The following DIS3L2 variants were observed in gnomAD, a reference collection of about 807,000 sequenced individuals.
The protein encoded by DIS3L2 is DIS3-like exonuclease 2.
Under a neutral mutation model 97.5 loss-of-function variants are expected in DIS3L2, and 34 were observed. The ratio of observed to expected loss-of-function variants is 0.35; its 90% confidence interval spans 0.27 to 0.46. DIS3L2 has a LOEUF of 0.46. DIS3L2 is among the 20% of genes least tolerant of loss of function. The pLI, the probability that DIS3L2 is intolerant of heterozygous loss-of-function variation, is 1.00. For missense variants in DIS3L2, 1,038 were observed against 1,146.0 expected (o/e 0.91, Z 1.36); for synonymous variants, 435 against 445.2 (o/e 0.98, Z 0.29).
chr2:232,086,359 GTGTATATGTATATGTATATGTATA>G, intron 5 of DIS3L2, among the ~76,000 whole-genome samples: 1 of 138,192 alleles, frequency 7.2e-6, no homozygotes, highest in East Asian at 2.1e-4. Flanking sequence ...GTATATATAT[GTGTATATGTATATGTATATGTATA>G]TGTATATGTA....
intron 16 of DIS3L2, 45 bp downstream of exon 16, chr2:232,330,821 C>G: frequency 6.4e-7 from 1 of 1,574,038 alleles, no homozygotes; most frequent in South Asian, 1.1e-5. Flanking sequence ...CAGGAGCACA[C>G]TAGCCCCAGA....
At chr2:232,068,429 A>G (rs1342370831) in intron 5 of DIS3L2, among the ~76,000 whole-genome samples, 2 of 143,484 alleles carry the variant, frequency 1.4e-5, no homozygotes, top group African/African-American at 5.2e-5. Context: ...AAAAAAAAAT[A>G]CAAAAGTTAG....
At position 232,292,979 on chromosome 2, in the gene DIS3L2, A is replaced by G. The variant is rs1694639397; in HGVS notation, c.1660-7061A>G. Among the ~76,000 whole-genome samples the G allele has an allele frequency of 6.6e-6, 1 of 152,130 alleles. No individual in the cohort carries two copies. The highest frequency in any genetic ancestry group is 6.5e-5 in the Admixed American group (1 of 15,272). On this transcript the variant is annotated intron_variant, in intron 13 of 20. Coordinates refer to ENST00000325385, the MANE Select transcript of DIS3L2 (RefSeq NM_152383.5). This position sits in a 1 kb window ranked among gnomAD's most constrained non-coding sequence, Gnocchi z 4.4. ...GGTGAGCTCTCCTGCTTGACATGGCAGCTGCCTCTGGAGAGAGAAAGACCT... is the reference window on the plus strand; with the variant it reads ...GGTGAGCTCTCCTGCTTGACATGGCGGCTGCCTCTGGAGAGAGAAAGACCT...
intron 14 of DIS3L2, among the ~76,000 whole-genome samples, chr2:232,319,012 C>A (rs1695354383): frequency 6.6e-6 from 1 of 152,250 alleles, no homozygotes; most frequent in Non-Finnish European, 1.5e-5. Context: ...ACTCCTTTCT[C>A]AGAACTCCTA....
In DIS3L2 at chr2:232,040,176, A is replaced by G. The variant is rs576057483; in HGVS notation, c.366+10096A>G. The stretch of plus-strand genomic sequence containing the variant: ...GTTTAAAGGATGGGAATAGAGAAAG[A>G]GAGAGGATTTGTTTTATTTCAAGAT... On this transcript the variant is annotated intron_variant, in intron 5 of 20. Transcript: ENST00000325385. Among the ~76,000 whole-genome samples, 3 of 152,308 alleles carry G rather than the reference A, an allele frequency of 2.0e-5. No homozygotes were observed. The South Asian group carries it at 6.2e-4, about 32-fold the overall frequency.
intron 1 of DIS3L2, among the ~76,000 whole-genome samples, chr2:231,963,495 C>T (rs886831186): frequency 5.3e-5 from 8 of 152,044 alleles, no homozygotes; most frequent in African/African-American, 1.4e-4. Context: ...GGATATTGGA[C>T]CTTTGTCAGA....
At position 232,298,239 on chromosome 2, in the gene DIS3L2, G is replaced by A. The variant is rs143137145; in HGVS notation, c.1660-1801G>A. On this transcript the variant is annotated intron_variant, in intron 13 of 20. Transcript: ENST00000325385. ...CCAATAAATAACACTGGGGGGAACAGTTTTGCAAATAAAACTTTTCTTCCT... is the reference window on the plus strand; with the variant it reads ...CCAATAAATAACACTGGGGGGAACAATTTTGCAAATAAAACTTTTCTTCCT... Among the ~76,000 whole-genome samples, 812 of 152,250 alleles carry A rather than the reference G, an allele frequency of 5.3e-3. 10 individuals carry two copies. The highest frequency in any genetic ancestry group is 0.018 in the African/African-American group (751 of 41,554).
chr2:232,225,906 G>T (rs964272169), intron 10 of DIS3L2, among the ~76,000 whole-genome samples: 3 of 152,130 alleles, frequency 2.0e-5, no homozygotes, highest in Non-Finnish European at 4.4e-5. Flanking sequence ...TAAACTAGGT[G>T]AAAGAAGACA....
chr2:232,171,074 C>T (rs977313766), intron 9 of DIS3L2, among the ~76,000 whole-genome samples: 2 of 152,152 alleles, frequency 1.3e-5, no homozygotes, highest in East Asian at 1.9e-4. Context: ...GGAAGTTAGT[C>T]CTAGTTCTCC....
intron 7 of DIS3L2, among the ~76,000 whole-genome samples, chr2:232,133,256 C>T (rs560376819): frequency 1.3e-3 from 204 of 152,292 alleles, no homozygotes; most frequent in Non-Finnish European, 2.6e-3. Flanking sequence ...TCTTGCCACC[C>T]ACATAGGCAG....
At chr2:232,273,182 G>A (rs1012048151) in intron 13 of DIS3L2, among the ~76,000 whole-genome samples, 4 of 152,120 alleles carry the variant, frequency 2.6e-5, no homozygotes, top group African/African-American at 9.6e-5. Context: ...CCTTCCTAGG[G>A]TTTCCCTGAT....
rs370812214 is a variant in DIS3L2, at chr2:232,325,752, G to C, written c.1740-4061G>C. Among the ~76,000 whole-genome samples the C allele has an allele frequency of 9.8e-5, 15 of 152,330 alleles. No homozygotes were observed. In the East Asian group the frequency reaches 1.7e-3, roughly 18 times the overall value. On this transcript the variant is annotated intron_variant, in intron 14 of 20. Coordinates refer to ENST00000325385, the MANE Select transcript of DIS3L2 (RefSeq NM_152383.5). This position sits in a 1 kb window ranked among gnomAD's most constrained non-coding sequence, Gnocchi z 4.6. ...GGCTGGCAGCCATTCCCAGCCCCTC[G>C]GAAAGCAGTTGTCAGGCAGTCCCTG...
chr2:232,204,139 T>C (rs1257330958), intron 9 of DIS3L2, among the ~76,000 whole-genome samples: 1 of 152,066 alleles, frequency 6.6e-6, no homozygotes, highest in African/African-American at 2.4e-5. Context: ...TTCTGTGATG[T>C]GGTAGGGGCC....
At chr2:232,119,802 C>G (rs1017655890) in intron 6 of DIS3L2, among the ~76,000 whole-genome samples, 3 of 152,202 alleles carry the variant, frequency 2.0e-5, no homozygotes, top group Non-Finnish European at 1.5e-5. Context: ...ACTCAGGAAT[C>G]TGAAGCCACT....
chr2:232,268,827 G>A lies in DIS3L2; in HGVS notation c.1659+5387G>A, dbSNP rs554915592. Among the ~76,000 whole-genome samples, 1 of 152,334 alleles carries A rather than the reference G, an allele frequency of 6.6e-6. No homozygotes were observed. Among genetic ancestry groups the A allele is most frequent in the East Asian group, 1.9e-4 (1 of 5,184 alleles). The stretch of plus-strand genomic sequence containing the variant: ...TCATCATCACTTCACAGGGAAGCCA[G>A]GCTGGGTAATGGAGAACAGTCGTGC... On this transcript the variant is annotated intron_variant, in intron 13 of 20. Transcript: ENST00000325385. The surrounding 1 kb of genome is among the most constrained non-coding windows in gnomAD (Gnocchi z 4.1).
chr2:232,336,370 A>G (rs1236801870), intron 20 of DIS3L2, 99 bp from the exon 21 acceptor site: 2 of 1,549,018 alleles, frequency 1.3e-6, no homozygotes, highest in Non-Finnish European at 1.7e-6. Flanking sequence ...CCAGAGGCCG[A>G]AGGAGGGGCC....
chr2:232,081,528 T>C (rs758141791), intron 5 of DIS3L2, among the ~76,000 whole-genome samples: 24 of 152,188 alleles, frequency 1.6e-4, no homozygotes, highest in Non-Finnish European at 3.2e-4. Flanking sequence ...GAAACACTTG[T>C]ATAAAGAAAA....
At chr2:232,287,446 T>A (rs562789167) in intron 13 of DIS3L2, among the ~76,000 whole-genome samples, 2 of 119,532 alleles carry the variant, frequency 1.7e-5, no homozygotes, top group South Asian at 5.8e-4. Flanking sequence ...GTTGCCAGGC[T>A]AGAGTGCAAT....
intron 1 of DIS3L2, among the ~76,000 whole-genome samples, chr2:231,972,941 T>C (rs116366250): frequency 3.0e-3 from 462 of 152,348 alleles, no homozygotes; most frequent in African/African-American, 0.01. Flanking sequence ...TAAAATCTGG[T>C]TTAAAAAATT....
Sources: allele counts gnomAD v4.1 joint callset (sites outside exome capture counted in the v4.1 genomes callset), GRCh38; gene constraint gnomAD v4.1.1; non-coding constraint Gnocchi (gnomAD v3.1); transcripts MANE v1.5; gene names NCBI Gene and HGNC (gene_info 2026-07-23, HGNC 2026-07-21).